The following DACH1 variants were observed in gnomAD, a reference collection of about 807,000 sequenced individuals.
DACH1 encodes the protein dachshund family transcription factor 1.
In DACH1, 12 loss-of-function variants were observed where a neutral mutation model predicts 54.2. That is an observed-to-expected ratio of 0.22 (90% CI 0.14 to 0.36). The LOEUF is 0.36. Among genes scored for constraint, DACH1 ranks in the 10% least tolerant of loss-of-function variants. DACH1 has a pLI of 1.00. For synonymous variants in DACH1, 386 were observed against 366.2 expected, an observed-to-expected ratio of 1.05 and a Z score of -0.62; for missense variants, 805 against 929.8, an observed-to-expected ratio of 0.87 and a Z score of 1.75.
chr13:71,443,124 T>A (rs1874152632), intron 10 of DACH1, among the ~76,000 whole-genome samples: 1 of 149,928 alleles, frequency 6.7e-6, no homozygotes, highest in Admixed American at 6.7e-5. Context: ...TAAAAACATA[T>A]AATGAACATC....
At chr13:71,455,143 T>A (rs1485690488) in intron 10 of DACH1, among the ~76,000 whole-genome samples, 2 of 152,148 alleles carry the variant, frequency 1.3e-5, no homozygotes, top group African/African-American at 2.4e-5. Flanking sequence ...CATTTATTGT[T>A]CTTAATGTGC....
At chr13:71,663,544 T>A (rs1245497490) in intron 2 of DACH1, among the ~76,000 whole-genome samples, 2 of 151,958 alleles carry the variant, frequency 1.3e-5, no homozygotes, top group African/African-American at 2.4e-5. Context: ...AATGTGCTAC[T>A]GGAGCACTGA....
intron 7 of DACH1, among the ~76,000 whole-genome samples, chr13:71,485,986 A>G (rs1381363863): frequency 2.0e-5 from 3 of 151,830 alleles, no homozygotes; most frequent in Admixed American, 1.3e-4. Flanking sequence ...TTATAAATTT[A>G]AATTTTAAAA....
chr13:71,835,936 A>G lies in DACH1; in HGVS notation c.848+29986T>C, dbSNP rs538007181. ...TTTCTATTGTATTTAAGATATTTATACCTCTTAATACAAAACCAAGTGAAT... is the reference window on the plus strand; with the variant it reads ...TTTCTATTGTATTTAAGATATTTATGCCTCTTAATACAAAACCAAGTGAAT... On this transcript the variant is annotated intron_variant, in intron 1 of 10. Coordinates refer to ENST00000613252, the MANE Select transcript of DACH1 (RefSeq NM_080759.6). Among the ~76,000 whole-genome samples, 7 of 152,220 alleles carry G rather than the reference A, an allele frequency of 4.6e-5. No homozygotes were observed. The South Asian group carries it at 1.2e-3, about 27-fold the overall frequency.
intron 10 of DACH1, 31 bp from the exon 11 acceptor site, chr13:71,440,723 G>T: frequency 6.4e-7 from 1 of 1,561,106 alleles, no homozygotes; most frequent in Non-Finnish European, 8.8e-7. Flanking sequence ...ATTAATTAAT[G>T]GCATGGTATT....
chr13:71,826,912 G>A (rs1264612727), intron 1 of DACH1, among the ~76,000 whole-genome samples: 1 of 151,948 alleles, frequency 6.6e-6, no homozygotes, highest in Admixed American at 6.6e-5. Context: ...GGAAGCATCA[G>A]TAATCCTGAA....
intron 1 of DACH1, among the ~76,000 whole-genome samples, chr13:71,860,963 C>T (rs763241272): frequency 6.6e-6 from 1 of 151,796 alleles, no homozygotes; most frequent in South Asian, 2.1e-4. Context: ...GTGAATCACA[C>T]GTAGTAAATC....
intron 1 of DACH1, among the ~76,000 whole-genome samples, chr13:71,809,244 G>C (rs1887621268): frequency 6.6e-6 from 1 of 152,142 alleles, no homozygotes; most frequent in Non-Finnish European, 1.5e-5. Context: ...GAGTGCAGTG[G>C]CATGATCACA....
intron 1 of DACH1, among the ~76,000 whole-genome samples, chr13:71,745,329 C>T (rs765328644): frequency 2.6e-5 from 4 of 152,250 alleles, no homozygotes; most frequent in Middle Eastern, 3.4e-3. Context: ...GGATGCTCTG[C>T]AGTAATGGCA....
chr13:71,569,422 T>C (rs1388968789), intron 4 of DACH1, among the ~76,000 whole-genome samples: 2 of 152,182 alleles, frequency 1.3e-5, no homozygotes, highest in Non-Finnish European at 1.5e-5. Context: ...TTACCAACAC[T>C]ACATTTTGAA....
At chr13:71,543,450 G>GA (rs993919633) in intron 6 of DACH1, among the ~76,000 whole-genome samples, 2 of 151,882 alleles carry the variant, frequency 1.3e-5, no homozygotes, top group South Asian at 2.1e-4. Context: ...CAATTCAGAG[G>GA]AAAAAACATC....
At chr13:71,571,342 T>C (rs981167306) in intron 4 of DACH1, among the ~76,000 whole-genome samples, 3 of 152,170 alleles carry the variant, frequency 2.0e-5, no homozygotes, top group Non-Finnish European at 4.4e-5. Flanking sequence ...ACTCCTCTTC[T>C]AGATAACTTT....
intron 1 of DACH1, among the ~76,000 whole-genome samples, chr13:71,832,833 C>T (rs1410306138): frequency 1.3e-5 from 2 of 151,736 alleles, no homozygotes; most frequent in Non-Finnish European, 2.9e-5. Flanking sequence ...GTTAAATGAC[C>T]AAGCCAACAT....
chr13:71,752,388 T>G (rs1884965885), intron 1 of DACH1, among the ~76,000 whole-genome samples: 1 of 152,144 alleles, frequency 6.6e-6, no homozygotes, highest in South Asian at 2.1e-4. Context: ...TCTATCAAAA[T>G]AGTAACCTAG....
chr13:71,810,653 GGATT>G (rs1161955319), intron 1 of DACH1, among the ~76,000 whole-genome samples: 2 of 152,206 alleles, frequency 1.3e-5, no homozygotes, highest in African/African-American at 2.4e-5. Context: ...AAGAAAAAAT[GGATT>G]GATTGCTCTA....
chr13:71,866,853 G>A lies in DACH1; in HGVS notation c.-84C>T. ...CCCGGGAGGGGAAGGGGAAAAAAGG[G>A]GGGAGAAGGAGCGAGGGGGGCAACA... On this transcript the variant is annotated 5_prime_UTR_variant, in exon 1 of 11. Coordinates refer to ENST00000613252, the MANE Select transcript of DACH1 (RefSeq NM_080759.6). 1 of 1,105,186 alleles carries A rather than the reference G, an allele frequency of 9.0e-7. No homozygotes were observed. Among genetic ancestry groups the A allele is most frequent in the African/African-American group, 1.7e-5 (1 of 59,818 alleles). The allele number at this position is 1,105,186 out of a possible 1,614,324, so 68.5% of individuals were successfully genotyped here.
intron 1 of DACH1, among the ~76,000 whole-genome samples, chr13:71,762,594 C>T (rs1054835264): frequency 3.3e-5 from 5 of 151,508 alleles, no homozygotes; most frequent in Non-Finnish European, 7.4e-5. Context: ...TGGAGAAACC[C>T]CGTCTCTATT....
At chr13:71,790,566 G>A (rs1886792529) in intron 1 of DACH1, among the ~76,000 whole-genome samples, 1 of 152,076 alleles carries the variant, frequency 6.6e-6, no homozygotes, top group Admixed American at 6.6e-5. Flanking sequence ...GATATACAAA[G>A]ATAAAAGCAA....
intron 3 of DACH1, among the ~76,000 whole-genome samples, chr13:71,591,616 T>A (rs190246321): frequency 1.3e-5 from 2 of 152,244 alleles, no homozygotes; most frequent in African/African-American, 4.8e-5. Context: ...AACTGTATAC[T>A]CATGAGGGAA....
Sources: allele counts gnomAD v4.1 joint callset (sites outside exome capture counted in the v4.1 genomes callset), GRCh38; gene constraint gnomAD v4.1.1; transcripts MANE v1.5; gene names NCBI Gene and HGNC (gene_info 2026-07-23, HGNC 2026-07-21).